Variants in NF1 observed in about 807,000 individuals in gnomAD.
NF1 encodes the protein neurofibromin 1, also known as neurofibromin.
A neutral mutation model predicts 325.7 loss-of-function variants in NF1; 122 were observed. That is an observed-to-expected ratio of 0.37 (90% CI 0.32 to 0.44). The LOEUF is 0.44. Among genes scored for constraint, NF1 ranks in the 20% least tolerant of loss-of-function variants. The probability of loss-of-function intolerance (pLI) is 1.00; values close to 1 mark genes in which losing one functional copy is unlikely to be tolerated. For synonymous variants in NF1, 1,091 were observed against 1,186.0 expected, an observed-to-expected ratio of 0.92 and a Z score of 1.65; for missense variants, 2,140 against 3,415.4, an observed-to-expected ratio of 0.63 and a Z score of 9.31.
chr17:31,266,891 A>G (rs1597754945), intron 36 of NF1, among the ~76,000 whole-genome samples: 1 of 152,052 alleles, frequency 6.6e-6, no homozygotes, highest in East Asian at 1.9e-4. Flanking sequence ...GTGGCCTGAG[A>G]ATGCTAAGAA....
chr17:31,261,880 T>C, intron 35 of NF1, 23 bp downstream of exon 35: 10 of 1,612,278 alleles, frequency 6.2e-6, no homozygotes, highest in Non-Finnish European at 8.5e-6. Context: ...CTTGAAATAG[T>C]TGATTGCTTT....
chr17:31,178,767 A>G lies in NF1; in HGVS notation c.587-2655A>G, dbSNP rs935023798. Among the ~76,000 whole-genome samples the G allele has an allele frequency of 2.0e-5, 3 of 152,222 alleles. No homozygotes were observed. The South Asian group carries it at 6.2e-4, about 31-fold the overall frequency. On this transcript the variant is annotated intron_variant, in intron 5 of 57. Coordinates refer to ENST00000358273, the MANE Select transcript of NF1 (RefSeq NM_001042492.3). ...ACAAAAAAGATCAAAAGAGTCAAAGAAGGGTATTACATAATGGTAAAGAGA... is the reference window on the plus strand; with the variant it reads ...ACAAAAAAGATCAAAAGAGTCAAAGGAGGGTATTACATAATGGTAAAGAGA...
intron 39 of NF1, chr17:31,330,723 G>A (rs540977673): frequency 2.9e-5 from 16 of 554,994 alleles, no homozygotes; most frequent in East Asian, 6.0e-5. Context: ...AAAGCAAAGC[G>A]GCAAGAGTTT....
intron 29 of NF1, among the ~76,000 whole-genome samples, chr17:31,243,460 C>T (rs1331185164): frequency 1.3e-5 from 2 of 152,140 alleles, no homozygotes; most frequent in Non-Finnish European, 2.9e-5. Context: ...GAGTTGGGTA[C>T]ATCAGAGATC....
intron 4 of NF1, among the ~76,000 whole-genome samples, chr17:31,163,733 T>C (rs888487768): frequency 3.9e-5 from 6 of 152,178 alleles, no homozygotes; most frequent in Non-Finnish European, 7.3e-5. Context: ...TAAAAAACAA[T>C]ACTAGGTATG....
chr17:31,358,805 G>T, intron 55 of NF1, 164 bp from the exon 56 acceptor site: 1 of 1,046,632 alleles, frequency 9.6e-7, no homozygotes, highest in Non-Finnish European at 1.4e-6. Context: ...TTTTTATGCT[G>T]AGTATATTTT....
At chr17:31,200,240 T>A (rs923942481) in intron 8 of NF1, among the ~76,000 whole-genome samples, 182 bp from the exon 9 acceptor site, 13 of 152,038 alleles carry the variant, frequency 8.6e-5, no homozygotes, top group East Asian at 5.8e-4. Flanking sequence ...GGATTTTTTT[T>A]AAATTTGAGA....
intron 36 of NF1, among the ~76,000 whole-genome samples, chr17:31,292,110 T>C (rs531707225): frequency 6.6e-6 from 1 of 152,332 alleles, no homozygotes; most frequent in African/African-American, 2.4e-5. Flanking sequence ...AACTGTGACT[T>C]AGAGCAGTGA....
At chr17:31,304,116 C>A in intron 36 of NF1, 1 of 726,412 alleles carries the variant, frequency 1.4e-6, no homozygotes, top group Non-Finnish European at 2.2e-6. Context: ...AAAGTTTCAT[C>A]TATGCACATA....
chr17:31,169,833 A>C, intron 4 of NF1, 58 bp from the exon 5 acceptor site: 1 of 1,209,430 alleles, frequency 8.3e-7, no homozygotes, highest in Non-Finnish European at 1.2e-6. Flanking sequence ...GGTGTGAGAT[A>C]CCACACCTGT....
At chr17:31,360,804 CT>C in intron 57 of NF1, 101 bp downstream of exon 57, 1 of 995,806 alleles carries the variant, frequency 1.0e-6, no homozygotes, top group South Asian at 1.3e-5. Context: ...GCTCCTTTTT[CT>C]TATGAGATTC....
chr17:31,344,308 CGTT>C (rs1567620997), intron 48 of NF1, among the ~76,000 whole-genome samples: 5 of 152,186 alleles, frequency 3.3e-5, no homozygotes, highest in African/African-American at 1.2e-4. Flanking sequence ...TTTTACTCCC[CGTT>C]GCTGACTTCA....
chr17:31,109,245 T>A (rs1195157309), intron 1 of NF1, among the ~76,000 whole-genome samples: 9 of 152,218 alleles, frequency 5.9e-5, no homozygotes. Flanking sequence ...ACCATATTTC[T>A]AAATTTTCAT....
At chr17:31,139,338 C>T (rs768354240) in intron 1 of NF1, among the ~76,000 whole-genome samples, 9 of 151,480 alleles carry the variant, frequency 5.9e-5, no homozygotes, top group East Asian at 5.8e-4. Context: ...TGAGTCATTG[C>T]GCCTGGCCTA....
At chr17:31,298,883 T>C (rs2068519090) in intron 36 of NF1, among the ~76,000 whole-genome samples, 1 of 152,118 alleles carries the variant, frequency 6.6e-6, no homozygotes, top group Non-Finnish European at 1.5e-5. Context: ...CTCTTAATTT[T>C]AGGAAACCTC....
At chr17:31,133,030 T>G (rs1325793108) in intron 1 of NF1, among the ~76,000 whole-genome samples, 1 of 152,230 alleles carries the variant, frequency 6.6e-6, no homozygotes, top group African/African-American at 2.4e-5. Flanking sequence ...TAACTGTTCC[T>G]AAGTGTATAG....
intron 12 of NF1, among the ~76,000 whole-genome samples, chr17:31,213,676 A>G (rs2066769830): frequency 6.6e-6 from 1 of 152,166 alleles, no homozygotes; most frequent in Non-Finnish European, 1.5e-5. Flanking sequence ...TTGGTTGAAA[A>G]ACATTTATAA....
intron 57 of NF1, among the ~76,000 whole-genome samples, chr17:31,365,035 AC>A (rs2070483477): frequency 6.6e-6 from 1 of 152,144 alleles, no homozygotes; most frequent in African/African-American, 2.4e-5. Flanking sequence ...GCGGTGGCTC[AC>A]GCCTGTAATC....
Position 31,360,582 on chromosome 17 carries a change from A to C in NF1, c.8256A>C (p.Glu2752Asp). The C allele has an allele frequency of 6.2e-7, 1 of 1,614,130 alleles. No individual in the cohort carries two copies. Among genetic ancestry groups the C allele is most frequent in the Non-Finnish European group, 8.5e-7 (1 of 1,179,994 alleles). Residue 2752 changes from glutamate (E) to aspartate (D), a missense_variant, in exon 57 of 58, where the codon GAA becomes GAC. Glu to Asp is a conservative substitution (Grantham distance 45, BLOSUM62 2). This residue lies in a region of NF1 where 522 missense variants were observed against 749.0 expected (regional missense o/e 0.70). Coordinates refer to ENST00000358273, the MANE Select transcript of NF1 (RefSeq NM_001042492.3). ...YLPGIDEETS[E>D]ESLLTPTSPY... ...CTGGAATTGATGAAGAAACCAGTGA[A>C]GAATCCCTCCTGACTCCCACATCTC...
Sources: gnomAD v4.1 joint callset for allele counts (sites outside exome capture counted in the v4.1 genomes callset) on GRCh38, gnomAD v4.1.1 for gene constraint, gnomAD v4.1.1 regional missense constraint, MANE v1.5 for transcripts, NCBI Gene and HGNC (gene_info 2026-07-23, HGNC 2026-07-21) for gene names.